Variants in ADGRE1 observed in about 807,000 individuals in gnomAD.
The protein encoded by ADGRE1 is adhesion G protein-coupled receptor E1.
ADGRE1 carries 82 observed loss-of-function variants against 102.7 expected under a neutral mutation model. That is an observed-to-expected ratio of 0.80 (90% CI 0.67 to 0.96). The LOEUF (loss-of-function observed/expected upper bound fraction) is 0.96, where lower values mean the gene tolerates loss of function less well. ADGRE1 is among the 40% of genes least tolerant of loss of function. ADGRE1 has a pLI of 0.00. For missense variants in ADGRE1, 1,032 were observed against 1,085.3 expected, an observed-to-expected ratio of 0.95 and a Z score of 0.69; for synonymous variants, 398 against 399.6, an observed-to-expected ratio of 1.00 and a Z score of 0.05.
At chr19:6,889,036 A>G (rs899203245) in intron 1 of ADGRE1, among the ~76,000 whole-genome samples, 3 of 151,854 alleles carry the variant, frequency 2.0e-5, no homozygotes, top group African/African-American at 7.3e-5. Flanking sequence ...GATGATGATA[A>G]TGGTGATGAT....
chr19:6,911,478 T>A (rs1213043603), intron 10 of ADGRE1, among the ~76,000 whole-genome samples: 4 of 149,932 alleles, frequency 2.7e-5, no homozygotes, highest in Non-Finnish European at 5.9e-5. Flanking sequence ...ATATGAATAT[T>A]ACTATTACTA....
In ADGRE1 at chr19:6,913,807, C is replaced by T. The variant is rs138712323; in HGVS notation, c.1277C>T (p.Pro426Leu). The T allele has an allele frequency of 1.7e-4, 279 of 1,603,600 alleles. 2 individuals carry two copies. In the African/African-American group the frequency reaches 3.0e-3, roughly 17 times the overall value. The change falls in exon 11 of 21, where the codon CCG becomes CTG. Residue 426 changes from proline to leucine, a missense_variant. Transcript: ENST00000312053. ...SFWKPSANIT[P>L]AVRTEYLDIE... Reference sequence around the variant, plus strand: ...TGGAAACCCTCAGCAAATATCACTCCGGCTGTTCGGACGGAATACTTAGGT... The same window carrying T: ...TGGAAACCCTCAGCAAATATCACTCTGGCTGTTCGGACGGAATACTTAGGT...
chr19:6,912,727 T>C lies in ADGRE1; in HGVS notation c.1123-926T>C, dbSNP rs1307685794. Among the ~76,000 whole-genome samples the C allele has an allele frequency of 3.3e-5, 5 of 152,248 alleles. No homozygotes were observed. In the East Asian group the frequency reaches 9.6e-4, roughly 29 times the overall value. ...GTTATTTGATTTCATCTTCATTTAT[T>C]GACCCAGTCTGTAGGGCATTTAGGC... On this transcript the variant is annotated intron_variant, in intron 10 of 20. Coordinates refer to ENST00000312053, the MANE Select transcript of ADGRE1 (RefSeq NM_001974.5).
chr19:6,908,684 C>G lies in ADGRE1; in HGVS notation c.1039-5C>G. The G allele has an allele frequency of 6.4e-7, 1 of 1,553,906 alleles. No homozygotes were observed. Among genetic ancestry groups the G allele is most frequent in the Non-Finnish European group, 8.7e-7 (1 of 1,154,896 alleles). On this transcript the variant is annotated splice_polypyrimidine_tract_variant and splice_region_variant and intron_variant, in intron 9 of 20. Transcript: ENST00000312053. ...ATGCTCTTTTTTTTTTTTTCTGGGA[C>G]GCAGGTCTCCTTTTGTGCACAAATA...
Position 6,919,618 on chromosome 19 carries a change from C to T in ADGRE1, c.1491C>T (p.Asp497=), listed in dbSNP as rs1974554232. The change falls in exon 13 of 21, where the codon GAC becomes GAT. Residue 497 remains aspartate, a synonymous_variant. Transcript: ENST00000312053. ...TTTTAAATGAGCGCTTCTTCAAAGA[C>T]CACCAGGCTCCCTTGACCACCTCTG... The part of the protein sequence containing the change: ...ESVLNERFFK[D]HQAPLTTSEI... 1 of 1,613,520 alleles carries T rather than the reference C, an allele frequency of 6.2e-7. No homozygotes were observed. Among genetic ancestry groups the T allele is most frequent in the Non-Finnish European group, 8.5e-7 (1 of 1,179,908 alleles).
In ADGRE1 at chr19:6,896,219, G is replaced by T. The variant is rs1031190773; in HGVS notation, c.95-179G>T. 6 of 584,976 alleles carry T rather than the reference G, an allele frequency of 1.0e-5. No homozygotes were observed. In the African/African-American group the frequency reaches 1.1e-4, roughly 11 times the overall value. 36.2% of individuals were successfully genotyped at this position (584,976 alleles called of 1,614,324 possible). A position where few individuals can be genotyped will look rare whatever the true frequency, so the allele number is the denominator to read the frequency against. ...CTTTTATCTTAATTGCATCTACAAA[G>T]ACCCAGTTTCCAAATAAGATGAAAT... On this transcript the variant is annotated intron_variant, in intron 2 of 20. Coordinates refer to ENST00000312053, the MANE Select transcript of ADGRE1 (RefSeq NM_001974.5).
At chr19:6,922,390 C>T (rs372146277) in intron 14 of ADGRE1, among the ~76,000 whole-genome samples, 99 of 151,614 alleles carry the variant, frequency 6.5e-4, no homozygotes, top group African/African-American at 1.2e-3. Flanking sequence ...CTGAGGCGGG[C>T]GGATCATGAG....
intron 13 of ADGRE1, among the ~76,000 whole-genome samples, chr19:6,920,324 A>G (rs1460090890): frequency 6.6e-6 from 1 of 151,334 alleles, no homozygotes; most frequent in East Asian, 1.9e-4. Flanking sequence ...GGTTCACGCC[A>G]GTCTCCTGCC....
Position 6,919,552 on chromosome 19 carries a change from C to T in ADGRE1, c.1425C>T (p.Thr475=), listed in dbSNP as rs1974549988. The T allele has an allele frequency of 1.2e-6, 2 of 1,609,896 alleles. No individual in the cohort carries two copies. Among genetic ancestry groups the T allele is most frequent in the Non-Finnish European group, 1.7e-6 (2 of 1,178,332 alleles). Residue 475 remains threonine, a synonymous_variant, in exon 13 of 21, where the codon ACC becomes ACT. Transcript: ENST00000312053. ...TTCATTTGGGGAAACCTGCAGAGACCACTGGTGTGGCTTTTGTCTCCTTTG... is the reference window on the plus strand; with the variant it reads ...TTCATTTGGGGAAACCTGCAGAGACTACTGGTGTGGCTTTTGTCTCCTTTG... The part of the protein sequence containing the change: ...STIEESESTE[T]TGVAFVSFVG...
chr19:6,939,150 T>C (rs1406536275), intron 20 of ADGRE1, among the ~76,000 whole-genome samples: 1 of 152,156 alleles, frequency 6.6e-6, no homozygotes, highest in African/African-American at 2.4e-5. Flanking sequence ...TCCAGTGATT[T>C]CAGAATGAGC....
chr19:6,929,879 A>T (rs1388550875), intron 17 of ADGRE1, among the ~76,000 whole-genome samples: 2 of 152,078 alleles, frequency 1.3e-5, no homozygotes, highest in Non-Finnish European at 2.9e-5. Context: ...TCCTAACCTC[A>T]GTTAATCCAC....
chr19:6,938,469 GA>G (rs35719813), intron 20 of ADGRE1, among the ~76,000 whole-genome samples: 104,206 of 151,904 alleles, frequency 0.69, 35,974 homozygotes, highest in Non-Finnish European at 0.73. Context: ...TATGCAAATG[GA>G]GGCAAAGCTG....
chr19:6,934,486 T>TCTCAG (rs1349599123), intron 17 of ADGRE1, among the ~76,000 whole-genome samples: 1 of 146,076 alleles, frequency 6.8e-6, no homozygotes, highest in Non-Finnish European at 1.5e-5. Context: ...AGTGGCACAA[T>TCTCAG]CTCAGCTCAC....
intron 5 of ADGRE1, among the ~76,000 whole-genome samples, chr19:6,900,257 T>C (rs1973717779): frequency 6.6e-6 from 1 of 151,332 alleles, no homozygotes; most frequent in Non-Finnish European, 1.5e-5. Context: ...GGAGAATCGC[T>C]TAAGACCAAG....
At chr19:6,896,297 C>A in intron 2 of ADGRE1, 101 bp from the exon 3 acceptor site, 2 of 1,200,710 alleles carry the variant, frequency 1.7e-6, no homozygotes, top group Non-Finnish European at 2.4e-6. Context: ...GGAACACAAT[C>A]CAACCCATAA....
intron 5 of ADGRE1, 124 bp downstream of exon 5, chr19:6,897,671 A>T: frequency 5.7e-6 from 6 of 1,054,020 alleles, no homozygotes; most frequent in Non-Finnish European, 7.7e-6. Flanking sequence ...AGAGAGGTAA[A>T]AATATATAGT....
chr19:6,899,033 T>C (rs73920235), intron 5 of ADGRE1, among the ~76,000 whole-genome samples: 7,271 of 152,292 alleles, frequency 0.048, 189 homozygotes, highest in African/African-American at 0.071. Flanking sequence ...TGCTCGCTAC[T>C]TGCTTTGTGA....
chr19:6,929,737 T>G (rs1387661179), intron 17 of ADGRE1, among the ~76,000 whole-genome samples: 1 of 152,158 alleles, frequency 6.6e-6, no homozygotes, highest in African/African-American at 2.4e-5. Context: ...GCCAAGCTGG[T>G]CTCAAACTCC....
At position 6,913,645 on chromosome 19, in the gene ADGRE1, C is replaced by T; in HGVS notation, c.1123-8C>T. On this transcript the variant is annotated splice_polypyrimidine_tract_variant and splice_region_variant and intron_variant, in intron 10 of 20. Coordinates refer to ENST00000312053, the MANE Select transcript of ADGRE1 (RefSeq NM_001974.5). Reference sequence around the variant, plus strand: ...AGAGAGAATGAACAAACACATCTTTCCTTGCAGAATACAACTGAGAGCTTT... The same window carrying T: ...AGAGAGAATGAACAAACACATCTTTTCTTGCAGAATACAACTGAGAGCTTT... 1 of 1,569,034 alleles carries T rather than the reference C, an allele frequency of 6.4e-7. No individual in the cohort carries two copies. Among genetic ancestry groups the T allele is most frequent in the Non-Finnish European group, 8.7e-7 (1 of 1,153,668 alleles).
Sources: gnomAD v4.1 joint callset for allele counts (sites outside exome capture counted in the v4.1 genomes callset) on GRCh38, gnomAD v4.1.1 for gene constraint, MANE v1.5 for transcripts, NCBI Gene and HGNC (gene_info 2026-07-23, HGNC 2026-07-21) for gene names.